GSG1L: variants seen among roughly 807,000 people sequenced by gnomAD.
The protein encoded by GSG1L is germ cell-specific gene 1-like protein.
In GSG1L, 24 loss-of-function variants were observed where a neutral mutation model predicts 42.1. That is an observed-to-expected ratio of 0.57 (90% CI 0.41 to 0.80). The LOEUF (loss-of-function observed/expected upper bound fraction) is 0.80. Ranked by LOEUF, GSG1L falls within the 30% of genes least tolerant of loss-of-function variation. The pLI, the probability that GSG1L is intolerant of heterozygous loss-of-function variation, is 0.00. For synonymous variants in GSG1L, 215 were observed against 203.5 expected, an observed-to-expected ratio of 1.06 and a Z score of -0.48; for missense variants, 445 against 472.2, an observed-to-expected ratio of 0.94 and a Z score of 0.53.
chr16:27,898,746 C>T, intron 2 of GSG1L, among the ~76,000 whole-genome samples: 1 of 151,830 alleles, frequency 6.6e-6, no homozygotes, highest in Non-Finnish European at 1.5e-5. Context: ...GTTTCTCTGT[C>T]TCCCTCTCTC....
intron 2 of GSG1L, among the ~76,000 whole-genome samples, chr16:27,961,269 C>T (rs997701082): frequency 5.9e-5 from 9 of 152,232 alleles, no homozygotes; most frequent in South Asian, 2.1e-4. Context: ...CACCCTTACC[C>T]GGGACACACG....
intron 4 of GSG1L, 125 bp from the exon 5 acceptor site, chr16:27,829,081 C>T (rs2083247788): frequency 2.4e-6 from 2 of 848,092 alleles, no homozygotes; most frequent in South Asian, 3.5e-5. Context: ...TAAGCAGTTA[C>T]TGCCACAGAG....
At chr16:27,986,029 T>C (rs112174599) in intron 1 of GSG1L, among the ~76,000 whole-genome samples, 6 of 152,250 alleles carry the variant, frequency 3.9e-5, no homozygotes, top group Admixed American at 2.0e-4. Context: ...TCTCCCATCT[T>C]TGAGGCTTTT....
intron 2 of GSG1L, among the ~76,000 whole-genome samples, chr16:27,942,834 C>T (rs1271790131): frequency 6.6e-6 from 1 of 152,170 alleles, no homozygotes; most frequent in Admixed American, 6.5e-5. Context: ...CTGGTACACA[C>T]ACTTTGCAAA....
intron 1 of GSG1L, among the ~76,000 whole-genome samples, chr16:27,990,012 GATAACTTT>G (rs1166724371): frequency 6.6e-6 from 1 of 152,154 alleles, no homozygotes; most frequent in African/African-American, 2.4e-5. Context: ...ACAGGTTTCT[GATAACTTT>G]GGAGATGATA....
intron 2 of GSG1L, among the ~76,000 whole-genome samples, chr16:27,891,740 TG>T (rs2084128895): frequency 6.6e-6 from 1 of 152,104 alleles, no homozygotes; most frequent in Non-Finnish European, 1.5e-5. Context: ...CCCAAAGCAC[TG>T]GAATTACAAG....
chr16:27,926,675 C>A (rs181010987), intron 2 of GSG1L, among the ~76,000 whole-genome samples: 2 of 151,958 alleles, frequency 1.3e-5, no homozygotes, highest in African/African-American at 2.4e-5. Flanking sequence ...GGCGACAGAG[C>A]GAGACTCCGT....
At chr16:28,044,552 G>A (rs1298822913) in intron 1 of GSG1L, among the ~76,000 whole-genome samples, 1 of 151,558 alleles carries the variant, frequency 6.6e-6, no homozygotes, top group Non-Finnish European at 1.5e-5. Context: ...ACACCCAGAC[G>A]ATGGCATGTA....
intron 2 of GSG1L, among the ~76,000 whole-genome samples, chr16:27,934,158 G>A (rs1039164516): frequency 1.5e-4 from 23 of 152,180 alleles, no homozygotes; most frequent in African/African-American, 2.4e-4. Context: ...GCCACTCCCC[G>A]CCAACACTAC....
At chr16:28,038,490 G>A (rs534020314) in intron 1 of GSG1L, among the ~76,000 whole-genome samples, 2 of 152,236 alleles carry the variant, frequency 1.3e-5, no homozygotes, top group East Asian at 3.9e-4. Flanking sequence ...CTCCTTTCCA[G>A]GTGAGAAGGA....
At chr16:27,913,577 C>A (rs1200245208) in intron 2 of GSG1L, among the ~76,000 whole-genome samples, 60 of 152,112 alleles carry the variant, frequency 3.9e-4, no homozygotes, top group Admixed American at 3.9e-3. Flanking sequence ...ATTTGCCATG[C>A]CTCCTGTTTT....
intron 2 of GSG1L, among the ~76,000 whole-genome samples, chr16:27,945,546 A>C (rs1194249023): frequency 2.0e-5 from 3 of 152,222 alleles, no homozygotes; most frequent in Non-Finnish European, 2.9e-5. Flanking sequence ...GCAGACAAGC[A>C]GGGGCCAGGG....
chr16:27,879,589 T>G (rs916250918), intron 3 of GSG1L, among the ~76,000 whole-genome samples: 3 of 152,328 alleles, frequency 2.0e-5, no homozygotes, highest in Admixed American at 2.0e-4. Context: ...CACTCTAGCC[T>G]GGGCAACAGA....
At chr16:27,890,130 T>C (rs1340308212) in intron 2 of GSG1L, among the ~76,000 whole-genome samples, 1 of 152,128 alleles carries the variant, frequency 6.6e-6, no homozygotes, top group Non-Finnish European at 1.5e-5. Context: ...GGTCTGGCTG[T>C]GGGGCGTAGG....
chr16:28,017,848 G>A (rs569712182), intron 1 of GSG1L, among the ~76,000 whole-genome samples: 155 of 152,310 alleles, frequency 1.0e-3, no homozygotes, highest in African/African-American at 3.6e-3. Flanking sequence ...AGTGACTCAT[G>A]CAAAATTAAG....
chr16:27,793,096 G>A (rs1251555163), intron 6 of GSG1L, among the ~76,000 whole-genome samples: 1 of 152,196 alleles, frequency 6.6e-6, no homozygotes, highest in Non-Finnish European at 1.5e-5. Flanking sequence ...AGCCCATTGA[G>A]GTGGGAATTC....
At chr16:27,998,498 C>T (rs1396027483) in intron 1 of GSG1L, 1 of 152,228 alleles carries the variant, frequency 6.6e-6, no homozygotes, top group Non-Finnish European at 1.5e-5. Flanking sequence ...TCATCAAACA[C>T]AAGACCTCAC....
intron 2 of GSG1L, among the ~76,000 whole-genome samples, chr16:27,891,045 C>A (rs2084118998): frequency 1.3e-5 from 2 of 152,188 alleles, no homozygotes; most frequent in South Asian, 4.1e-4. Context: ...CAGAGCCCAC[C>A]TCCACCCAGC....
chr16:27,974,276 A>G (rs8044902), intron 1 of GSG1L, among the ~76,000 whole-genome samples: 1 of 152,136 alleles, frequency 6.6e-6, no homozygotes, highest in African/African-American at 2.4e-5. Flanking sequence ...GAAAAACGTC[A>G]CGGGAAAGCT....
Sources: gnomAD v4.1 joint callset for allele counts (sites outside exome capture counted in the v4.1 genomes callset) on GRCh38, gnomAD v4.1.1 for gene constraint, MANE v1.5 for transcripts, NCBI Gene and HGNC (gene_info 2026-07-23, HGNC 2026-07-21) for gene names.